OPHN1: variants seen among roughly 807,000 people sequenced by gnomAD.
OPHN1 encodes the protein oligophrenin 1.
Under a neutral mutation model 60.7 loss-of-function variants are expected in OPHN1, and 11 were observed. The ratio of observed to expected loss-of-function variants is 0.18; its 90% confidence interval spans 0.11 to 0.30. OPHN1 has a LOEUF of 0.30. Among genes scored for constraint, OPHN1 ranks in the 10% least tolerant of loss-of-function variants. The pLI is 1.00. For synonymous variants in OPHN1, 226 were observed against 222.6 expected (o/e 1.02, Z -0.14); for missense variants, 449 against 611.0 (o/e 0.73, Z 2.80).
chrX:68,133,000 G>A (rs2077204082), intron 15 of OPHN1: 1 of 473,062 alleles, frequency 2.1e-6, no homozygotes. Flanking sequence ...ACGCCAAGCC[G>A]CCGCCGCTTC....
At chrX:68,397,530 T>A (rs1434842076) in intron 2 of OPHN1, among the ~76,000 whole-genome samples, 2 of 96,930 alleles carry the variant, frequency 2.1e-5, no homozygotes, top group African/African-American at 3.7e-5. Flanking sequence ...ATTTATTTTT[T>A]TTTTTTTTTT....
intron 5 of OPHN1, among the ~76,000 whole-genome samples, chrX:68,268,078 A>C (rs1347709323): frequency 8.9e-6 from 1 of 111,807 alleles, no homozygotes; most frequent in East Asian, 2.8e-4. Flanking sequence ...GAGCAGATGC[A>C]TTCACAGCCG....
At chrX:68,286,465 G>A (rs1219851770) in intron 3 of OPHN1, among the ~76,000 whole-genome samples, 2 of 110,949 alleles carry the variant, frequency 1.8e-5, no homozygotes, top group Non-Finnish European at 3.8e-5. Context: ...AGAAGTGGGA[G>A]ATTAGATGTC....
intron 4 of OPHN1, among the ~76,000 whole-genome samples, chrX:68,276,526 C>T (rs1206213069): frequency 2.7e-5 from 3 of 111,567 alleles, no homozygotes; most frequent in East Asian, 5.6e-4. Flanking sequence ...GAAAATAAGA[C>T]TTCTTCTACT....
rs758374712 is a variant in OPHN1, at chrX:68,244,749, AGTT to A, written c.385-10164_385-10162del. On this transcript the variant is annotated intron_variant, in intron 5 of 24. Coordinates refer to ENST00000355520, the MANE Select transcript of OPHN1 (RefSeq NM_002547.3). The stretch of plus-strand genomic sequence containing the variant: ...TACCACTTATTGAGTATTATTTGTA[AGTT>A]GTTATGTTAAGCACTTGATATGCAT... Among the ~76,000 whole-genome samples, 5 of 112,193 alleles carry A rather than the reference AGTT, an allele frequency of 4.5e-5. No homozygotes were observed. The East Asian group carries it at 1.1e-3, about 25-fold the overall frequency.
chrX:68,276,744 T>C (rs192206798), intron 4 of OPHN1, among the ~76,000 whole-genome samples: 88 of 111,198 alleles, frequency 7.9e-4, no homozygotes, highest in Non-Finnish European at 4.0e-4. Context: ...TAACACTCTG[T>C]GACATTTGAA....
At chrX:68,149,172 G>A (rs761600328) in intron 15 of OPHN1, among the ~76,000 whole-genome samples, 5 of 111,210 alleles carry the variant, frequency 4.5e-5, no homozygotes, top group Non-Finnish European at 7.6e-5. Flanking sequence ...TCCAATAAAT[G>A]ACTCCTTGCT....
chrX:68,340,921 G>A (rs1385249767), intron 2 of OPHN1, among the ~76,000 whole-genome samples: 4 of 107,397 alleles, frequency 3.7e-5, no homozygotes, highest in East Asian at 2.9e-4. Context: ...CAGGAGAACC[G>A]CTTGAACCCG....
chrX:68,201,519 C>T, intron 11 of OPHN1, 100 bp downstream of exon 11: 1 of 659,866 alleles, frequency 1.5e-6, no homozygotes, highest in Non-Finnish European at 2.5e-6. Flanking sequence ...TAGACTTACT[C>T]ATTGTCATCA....
chrX:68,251,180 GTT>G (rs1161101532), intron 5 of OPHN1, among the ~76,000 whole-genome samples: 2,356 of 45,743 alleles, frequency 0.052, 56 homozygotes, highest in African/African-American at 0.2. Flanking sequence ...CTCCTCAAAT[GTT>G]TTTTTTTTTT....
intron 2 of OPHN1, among the ~76,000 whole-genome samples, chrX:68,391,269 A>G (rs781006971): frequency 1.8e-5 from 2 of 111,950 alleles, no homozygotes; most frequent in African/African-American, 6.5e-5. Flanking sequence ...ATAAGGAAAT[A>G]TATAAAAAAT....
At chrX:68,121,039 A>T (rs1367665995) in intron 15 of OPHN1, among the ~76,000 whole-genome samples, 1 of 112,465 alleles carries the variant, frequency 8.9e-6, no homozygotes, top group Non-Finnish European at 1.9e-5. Context: ...TAAAACTACT[A>T]GAAGAAAACA....
At chrX:68,416,203 G>A (rs1233739617) in intron 2 of OPHN1, among the ~76,000 whole-genome samples, 1 of 106,212 alleles carries the variant, frequency 9.4e-6, no homozygotes, top group African/African-American at 3.5e-5. Context: ...CACCATGCTT[G>A]GCTAATTTTT....
In OPHN1 at chrX:68,253,216, A is replaced by G. The variant is rs1455999841; in HGVS notation, c.385-18628T>C. On this transcript the variant is annotated intron_variant, in intron 5 of 24. Coordinates refer to ENST00000355520, the MANE Select transcript of OPHN1 (RefSeq NM_002547.3). The stretch of plus-strand genomic sequence containing the variant: ...TAGAACTTTATAAGTAAAATAAACC[A>G]TATAGTTCATTATCCTCATTTTTTT... Among the ~76,000 whole-genome samples, 5 of 111,675 alleles carry G rather than the reference A, an allele frequency of 4.5e-5. No homozygotes were observed. The East Asian group carries it at 8.3e-4, about 19-fold the overall frequency.
intron 15 of OPHN1, among the ~76,000 whole-genome samples, chrX:68,190,644 G>A (rs1439897291): frequency 8.9e-6 from 1 of 111,813 alleles, no homozygotes; most frequent in Non-Finnish European, 1.9e-5. Flanking sequence ...TCCTATTAAA[G>A]CCCATAAGAG....
At chrX:68,265,741 G>A (rs886798276) in intron 5 of OPHN1, among the ~76,000 whole-genome samples, 8 of 111,120 alleles carry the variant, frequency 7.2e-5, no homozygotes, top group African/African-American at 2.6e-4. Context: ...AGCTAAAGGA[G>A]GAAGTTTGAA....
intron 5 of OPHN1, among the ~76,000 whole-genome samples, chrX:68,271,482 G>A (rs1443131734): frequency 1.8e-5 from 2 of 110,775 alleles, no homozygotes; most frequent in African/African-American, 3.3e-5. Flanking sequence ...AGGCTGAAGT[G>A]AGCCATGATT....
Position 68,091,192 on chromosome X carries a change from G to A in OPHN1, c.1686+5678C>T, listed in dbSNP as rs145011286. ...TTTCCTATCTCAGAAATGGAAATAC[G>A]ATCCATCATTCACAGAGTTAGAAAA... On this transcript the variant is annotated intron_variant, in intron 19 of 24. Coordinates refer to ENST00000355520, the MANE Select transcript of OPHN1 (RefSeq NM_002547.3). 1.4e-4 allele frequency among the ~76,000 whole-genome samples: 16 copies of A among 111,244 alleles called. No homozygotes were observed. The East Asian group carries it at 4.0e-3, about 28-fold the overall frequency.
chrX:68,366,580 C>T (rs767755144), intron 2 of OPHN1, among the ~76,000 whole-genome samples: 1 of 111,201 alleles, frequency 9.0e-6, no homozygotes, highest in African/African-American at 3.3e-5. Context: ...TCTCAAACTC[C>T]CGGCCTCAAG....
Sources: allele counts gnomAD v4.1 joint callset (sites outside exome capture counted in the v4.1 genomes callset), GRCh38; gene constraint gnomAD v4.1.1; transcripts MANE v1.5; gene names NCBI Gene and HGNC (gene_info 2026-07-23, HGNC 2026-07-21).